KCTD14: variants seen among roughly 807,000 people sequenced by gnomAD.
The protein encoded by KCTD14 is potassium channel tetramerization domain containing 14, also known as BTB/POZ domain-containing protein KCTD14.
Under a neutral mutation model 5.9 loss-of-function variants are expected in KCTD14, and 7 were observed. The ratio of observed to expected loss-of-function variants is 1.19; its 90% CI spans 0.68 to 2.23. KCTD14 has a LOEUF of 2.23. KCTD14 is among the 30% of genes most tolerant of loss of function. The pLI is 0.00. For missense variants in KCTD14, 342 were observed against 332.2 expected, an observed-to-expected ratio of 1.03 and a Z score of -0.23; for synonymous variants, 140 against 133.1, an observed-to-expected ratio of 1.05 and a Z score of -0.36.
upstream of KCTD14, among the ~76,000 whole-genome samples, chr11:78,028,119 C>T (rs576859857): frequency 1.3e-5 from 2 of 152,138 alleles, no homozygotes; most frequent in African/African-American, 4.8e-5. Context: ...TTTATAGTAC[C>T]GAGTATATAC....
chr11:78,034,716 A>G (rs1348757900), intron 2 of KCTD14, among the ~76,000 whole-genome samples: 1 of 152,012 alleles, frequency 6.6e-6, no homozygotes, highest in East Asian at 1.9e-4. Flanking sequence ...AGACAGTCTG[A>G]GTCATCCCCA....
intron 1 of KCTD14, among the ~76,000 whole-genome samples, chr11:78,042,427 G>A (rs1858019877): frequency 6.6e-6 from 1 of 152,064 alleles, no homozygotes. Flanking sequence ...AGAATTGCTT[G>A]AACCTGGGAG....
chr11:78,031,479 A>T (rs1269479093), intron 2 of KCTD14, among the ~76,000 whole-genome samples: 1 of 151,964 alleles, frequency 6.6e-6, no homozygotes, highest in African/African-American at 2.4e-5. Flanking sequence ...CCAGAGTTCA[A>T]GCAATTCTCC....
Position 78,016,977 on chromosome 11 carries a change from G to T in KCTD14, c.384C>A (p.Ile128=), listed in dbSNP as rs1203547605. ...LVKLLEDMPQ[I]FGEQVSRKQF... ...GCTTCCGAGACACCTGCTCACCAAA[G>T]ATCTGTGGCATGTCCTCCAGCAGCT... The change falls in exon 2 of 2, where the codon ATC becomes ATA. Residue 128 remains isoleucine, a synonymous_variant. Transcript: ENST00000353172. 4 of 1,614,112 alleles carry T rather than the reference G, an allele frequency of 2.5e-6. No individual in the cohort carries two copies. The African/African-American group carries it at 5.3e-5, about 22-fold the overall frequency.
intron 2 of KCTD14, among the ~76,000 whole-genome samples, chr11:78,035,856 A>AAAC (rs1857780284): frequency 6.8e-6 from 1 of 147,132 alleles, no homozygotes; most frequent in African/African-American, 2.5e-5. Context: ...AAAAAAAAAA[A>AAAC]AAAAAAAAAC....
At chr11:78,030,271 T>C (rs1432222763) in intron 2 of KCTD14, among the ~76,000 whole-genome samples, 3 of 152,186 alleles carry the variant, frequency 2.0e-5, no homozygotes, top group South Asian at 2.1e-4. Flanking sequence ...CAGTTCAAAA[T>C]AGGCATTAGC....
intron 1 of KCTD14, among the ~76,000 whole-genome samples, chr11:78,039,006 A>T (rs1857907188): frequency 2.7e-5 from 4 of 148,440 alleles, no homozygotes; most frequent in Admixed American, 2.1e-4. Flanking sequence ...ACTCATGGGA[A>T]TTTCCCCAGA....
At chr11:78,026,169 A>G (rs4945238), upstream of KCTD14, among the ~76,000 whole-genome samples, 112,900 of 152,080 alleles carry the variant, frequency 0.74, 42,741 homozygotes, top group Non-Finnish European at 0.81. Context: ...ACGCATGGTG[A>G]CTCACGCCTG....
In KCTD14 at chr11:78,016,610, T is replaced by G. The variant is rs1857170653; in HGVS notation, c.751A>C (p.Thr251Pro). ...NEFHFNIYSFTFTWW is the reference protein window; with the variant it reads ...NEFHFNIYSFPFTWW ...CCTGAGGATCACCACCAGGTGAAGG[T>G]GAATGAATAAATGTTAAAATGGAAT... is the stretch of plus-strand genomic sequence containing the variant. Residue 251 changes from threonine to proline, a missense_variant, in exon 2 of 2, where the codon ACC (threonine) becomes CCC (proline). Transcript: ENST00000353172. The G allele has an allele frequency of 5.0e-6, 8 of 1,613,552 alleles. No individual in the cohort carries two copies. The East Asian group carries it at 1.8e-4, about 36-fold the overall frequency.
chr11:78,022,460 A>G (rs1457167986), intron 1 of KCTD14, among the ~76,000 whole-genome samples: 2 of 152,186 alleles, frequency 1.3e-5, no homozygotes, highest in African/African-American at 4.8e-5. Flanking sequence ...GGCTTTGTCA[A>G]TAGCCAACAA....
chr11:78,042,155 G>A (rs1163187455), intron 1 of KCTD14, among the ~76,000 whole-genome samples: 2 of 152,234 alleles, frequency 1.3e-5, no homozygotes, highest in East Asian at 3.8e-4. Flanking sequence ...CAGGCTGACT[G>A]TCTTTGCTCA....
chr11:78,024,427 C>A (rs4945235), upstream of KCTD14, among the ~76,000 whole-genome samples: 113,710 of 140,238 alleles, frequency 0.81, 46,308 homozygotes, highest in Admixed American at 0.84. Context: ...CACACACACA[C>A]ACACACACAC....
At chr11:78,022,927 G>C (rs1382219523) in intron 1 of KCTD14, 13 of 538,000 alleles carry the variant, frequency 2.4e-5, no homozygotes, top group Non-Finnish European at 3.9e-5. Context: ...AGGAAAGGCT[G>C]GACAGAGCCA....
At chr11:78,038,861 G>T in intron 1 of KCTD14, 4 of 1,342,982 alleles carry the variant, frequency 3.0e-6, no homozygotes, top group Non-Finnish European at 4.1e-6. Flanking sequence ...GAGCCACACT[G>T]CAGAACTGGA....
intron 2 of KCTD14, among the ~76,000 whole-genome samples, chr11:78,028,796 C>G (rs1163953733): frequency 1.3e-5 from 2 of 151,994 alleles, no homozygotes; most frequent in East Asian, 3.9e-4. Context: ...CAAAAATTAA[C>G]TGGGTATGGT....
intron 2 of KCTD14, among the ~76,000 whole-genome samples, chr11:78,034,572 G>T (rs926996909): frequency 6.6e-6 from 1 of 151,806 alleles, no homozygotes; most frequent in Non-Finnish European, 1.5e-5. Flanking sequence ...AGGACAGATT[G>T]TGCGACCTGG....
chr11:78,035,771 G>GGA (rs1250397505), intron 2 of KCTD14, among the ~76,000 whole-genome samples: 3 of 150,186 alleles, frequency 2.0e-5, no homozygotes, highest in African/African-American at 7.4e-5. Context: ...TTTGAACGCA[G>GGA]GAGGCAGAGG....
chr11:78,024,300 G>A (rs1171656749), upstream of KCTD14, among the ~76,000 whole-genome samples: 1 of 150,726 alleles, frequency 6.6e-6, no homozygotes, highest in Non-Finnish European at 1.5e-5. Context: ...CAGGAGAATC[G>A]CTGGAACCCG....
At chr11:78,038,937 A>G (rs1857903328) in intron 1 of KCTD14, among the ~76,000 whole-genome samples, 1 of 152,130 alleles carries the variant, frequency 6.6e-6, no homozygotes, top group African/African-American at 2.4e-5. Context: ...AAAGAATCCC[A>G]TCTCTTGCAA....
Sources: gnomAD v4.1 joint callset for allele counts (sites outside exome capture counted in the v4.1 genomes callset) on GRCh38, gnomAD v4.1.1 for gene constraint, MANE v1.5 for transcripts, NCBI Gene and HGNC (gene_info 2026-07-23, HGNC 2026-07-21) for gene names.